Variants in EPB42 observed in about 807,000 individuals in gnomAD.
EPB42 encodes the protein protein 4.2.
Under a neutral mutation model 76.9 loss-of-function variants are expected in EPB42, and 49 were observed. The observed-to-expected ratio is 0.64, with a 90% CI of 0.51 to 0.81. The LOEUF (loss-of-function observed/expected upper bound fraction) is 0.81, where lower values mean the gene tolerates loss of function less well. Ranked by LOEUF, EPB42 falls within the 30% of genes least tolerant of loss-of-function variation. The pLI, the probability that EPB42 is intolerant of heterozygous loss-of-function variation, is 0.00. For missense variants in EPB42, 731 were observed against 867.6 expected, an observed-to-expected ratio of 0.84 and a Z score of 1.98; for synonymous variants, 310 against 338.4, an observed-to-expected ratio of 0.92 and a Z score of 0.92.
intron 12 of EPB42, among the ~76,000 whole-genome samples, chr15:43,200,509 A>G (rs2042109496): frequency 6.6e-6 from 1 of 152,270 alleles, no homozygotes; most frequent in African/African-American, 2.4e-5. Context: ...ACACCAAAAG[A>G]AAAGTGGGCA....
At chr15:43,223,957 AGCAAGACATT>A (rs1314295533), upstream of EPB42, among the ~76,000 whole-genome samples, 1 of 152,194 alleles carries the variant, frequency 6.6e-6, no homozygotes, top group African/African-American at 2.4e-5. Flanking sequence ...TTGACAACAG[AGCAAGACATT>A]GTCTCAAAAA....
intron 1 of EPB42, among the ~76,000 whole-genome samples, chr15:43,218,176 G>A (rs889068500): frequency 6.6e-6 from 1 of 152,168 alleles, no homozygotes; most frequent in Non-Finnish European, 1.5e-5. Flanking sequence ...TTAGCACAAA[G>A]CTCGTGCTGG....
rs769319491 is a variant in EPB42, at chr15:43,211,491, G to A, written c.474C>T (p.Tyr158=). 4.3e-6 allele frequency: 7 copies of A among 1,614,112 alleles called. No individual in the cohort carries two copies. The East Asian group carries it at 1.3e-4, about 31-fold the overall frequency. The change falls in exon 4 of 13, where the codon TAC becomes TAT. Residue 158 remains tyrosine, a synonymous_variant. Transcript: ENST00000441366. ...AGATGAGACCATTCTGGTTCAACAA[G>A]TACTCCATGCGCTGAGCCTCATTCT... ...FLKNEAQRME[Y]LLNQNGLIYL...
intron 3 of EPB42, among the ~76,000 whole-genome samples, chr15:43,211,806 C>T (rs955848533): frequency 2.0e-5 from 3 of 152,158 alleles, no homozygotes; most frequent in South Asian, 2.1e-4. Context: ...CAGTGGCTCA[C>T]GCCTATAATC....
At chr15:43,201,750 C>T in intron 12 of EPB42, 94 bp downstream of exon 12, 1 of 1,577,148 alleles carries the variant, frequency 6.3e-7, no homozygotes, top group Non-Finnish European at 8.7e-7. Context: ...CTGCTGTCTG[C>T]ATGGACATGG....
Position 43,201,934 on chromosome 15 carries a change from A to G in EPB42, c.1823T>C (p.Val608Ala), listed in dbSNP as rs1400117795. The change falls in exon 12 of 13, where the codon GTC becomes GCC. Residue 608 changes from valine to alanine, a missense_variant. Coordinates refer to ENST00000441366, the MANE Select transcript of EPB42 (RefSeq NM_001114134.2). The part of the protein sequence containing the change: ...AEQYQPLTAS[V>A]SLQNSLDAPM... ...GGCATCTAGGGAGTTCTGGAGGCTG[A>G]CTGAGGCTGTGAGGGGTTGATACTG... The G allele has an allele frequency of 1.2e-6, 2 of 1,614,134 alleles. No individual in the cohort carries two copies. Among genetic ancestry groups the G allele is most frequent in the Non-Finnish European group, 8.5e-7 (1 of 1,179,992 alleles).
rs1360692724 is a variant in EPB42 at position 43,197,416 on chromosome 15, G to A, written c.1962C>T (p.Phe654=). 6.2e-7 allele frequency: 1 copy of A among 1,614,162 alleles called. No individual in the cohort carries two copies. Among genetic ancestry groups the A allele is most frequent in the South Asian group, 1.1e-5 (1 of 91,072 alleles). ...TCTGGAGCCCCACATGTGTTGGCGTGAACTGGAACTTGGCACACATGGTGT... is the reference window on the plus strand; with the variant it reads ...TCTGGAGCCCCACATGTGTTGGCGTAAACTGGAACTTGGCACACATGGTGT... ...PENTMCAKFQ[F]TPTHVGLQRL... is the part of the protein sequence containing the mutation. Residue 654 remains phenylalanine, a synonymous_variant, in exon 13 of 13, where the codon TTC becomes TTT. Transcript: ENST00000441366.
chr15:43,209,474 G>A, intron 5 of EPB42, 23 bp from the exon 6 acceptor site: 1 of 1,600,690 alleles, frequency 6.2e-7, no homozygotes, highest in Non-Finnish European at 8.5e-7. Context: ...ATGTGTGGAT[G>A]TCAGTATGAG....
intron 10 of EPB42, among the ~76,000 whole-genome samples, chr15:43,203,542 G>A (rs80011779): frequency 0.011 from 1,710 of 152,240 alleles, 26 homozygotes; most frequent in African/African-American, 0.038. Flanking sequence ...AAGCTCTTTC[G>A]GCCTCAGTGT....
chr15:43,210,973 G>A (rs971116501), intron 4 of EPB42, among the ~76,000 whole-genome samples: 1 of 152,186 alleles, frequency 6.6e-6, no homozygotes, highest in Non-Finnish European at 1.5e-5. Context: ...GATTGGGGAA[G>A]GCTTCGAGAA....
intron 10 of EPB42, among the ~76,000 whole-genome samples, chr15:43,205,589 G>A (rs566233333): frequency 2.8e-4 from 42 of 152,062 alleles, no homozygotes; most frequent in Non-Finnish European, 5.0e-4. Context: ...TAGTAGAGTC[G>A]GGGTTTCACC....
chr15:43,210,920 C>T (rs1016143411), intron 4 of EPB42, among the ~76,000 whole-genome samples: 79 of 152,110 alleles, frequency 5.2e-4, no homozygotes, highest in African/African-American at 1.8e-3. Context: ...GTAGAGATGC[C>T]GGCACAGAGC....
chr15:43,207,259 T>C lies in EPB42; in HGVS notation c.1258A>G (p.Thr420Ala), dbSNP rs1260087507. 1 of 1,614,046 alleles carries C rather than the reference T, an allele frequency of 6.2e-7. No individual in the cohort carries two copies. Among genetic ancestry groups the C allele is most frequent in the Non-Finnish European group, 8.5e-7 (1 of 1,180,020 alleles). ...CAGCGGTCACTGCCCACACCCTTGG[T>C]GCTGATGTTGTTGCCAACATACTTT... The part of the protein sequence containing the change: ...NTKYVGNNIS[T>A]KGVGSDRCED... The change falls in exon 9 of 13, where the codon ACC (threonine) becomes GCC (alanine). Residue 420 changes from threonine to alanine, a missense_variant. By Grantham distance (58) the Thr-to-Ala change is moderately conservative (BLOSUM62 0). Transcript: ENST00000441366.
At chr15:43,207,886 T>C (rs993632000) in intron 8 of EPB42, among the ~76,000 whole-genome samples, 1 of 152,192 alleles carries the variant, frequency 6.6e-6, no homozygotes, top group Non-Finnish European at 1.5e-5. Context: ...CGATGCCCTC[T>C]TCATCCGTGT....
chr15:43,221,867 G>A (rs1473785016), upstream of EPB42, among the ~76,000 whole-genome samples: 1 of 149,376 alleles, frequency 6.7e-6, no homozygotes, highest in Non-Finnish European at 1.5e-5. Context: ...CCTTTCACTA[G>A]CGCAGTGGCT....
At chr15:43,215,003 G>T in intron 3 of EPB42, 92 bp downstream of exon 3, 3 of 1,088,992 alleles carry the variant, frequency 2.8e-6, no homozygotes, top group Non-Finnish European at 4.1e-6. Context: ...CTGCCACAGG[G>T]GCCTGGTGCA....
intron 12 of EPB42, among the ~76,000 whole-genome samples, chr15:43,198,260 G>A (rs986915226): frequency 3.9e-5 from 6 of 152,212 alleles, no homozygotes; most frequent in African/African-American, 1.4e-4. Context: ...GGAAAGCTTG[G>A]AACTTCCTAG....
At position 43,203,197 on chromosome 15, in the gene EPB42, G is replaced by A. The variant is rs1159294931; in HGVS notation, c.1697C>T (p.Ala566Val). 28 of 1,614,004 alleles carry A rather than the reference G, an allele frequency of 1.7e-5. No homozygotes were observed. Among genetic ancestry groups the A allele is most frequent in the Non-Finnish European group, 2.3e-5 (27 of 1,180,034 alleles). ...PPENTFLRLTAMATHSESNLS... is the reference protein window; with the variant it reads ...PPENTFLRLTVMATHSESNLS... ...GTTGGATTCAGAGTGTGTTGCCATGGCGGTGAGTCTAAGGAAGGTGTTCTC... is the reference window on the plus strand; with the variant it reads ...GTTGGATTCAGAGTGTGTTGCCATGACGGTGAGTCTAAGGAAGGTGTTCTC... The change falls in exon 11 of 13, where the codon GCC (alanine) becomes GTC (valine). Residue 566 changes from alanine to valine, a missense_variant. Transcript: ENST00000441366.
At chr15:43,216,494 G>A in intron 1 of EPB42, 41 bp from the exon 2 acceptor site, 1 of 1,600,118 alleles carries the variant, frequency 6.2e-7, no homozygotes, top group Non-Finnish European at 8.6e-7. Flanking sequence ...CTAAGTACAT[G>A]TGACAATGTA....
Sources: allele counts gnomAD v4.1 joint callset (sites outside exome capture counted in the v4.1 genomes callset), GRCh38; gene constraint gnomAD v4.1.1; transcripts MANE v1.5; gene names NCBI Gene and HGNC (gene_info 2026-07-23, HGNC 2026-07-21).